Variants in AP3S2 observed in about 807,000 individuals in gnomAD.
The protein encoded by AP3S2 is AP-3 complex subunit sigma-2.
A neutral mutation model predicts 23.4 loss-of-function variants in AP3S2; 22 were observed. The ratio of observed to expected loss-of-function variants is 0.94; its 90% CI spans 0.67 to 1.34. The LOEUF is 1.34. Among genes scored for constraint, AP3S2 ranks in the 40% most tolerant of loss-of-function variants. AP3S2 has a pLI of 0.00. For missense variants in AP3S2, 241 were observed against 236.9 expected (o/e 1.02, Z -0.11); for synonymous variants, 86 against 87.1 (o/e 0.99, Z 0.07).
chr15:89,847,230 A>C (rs1895515648), intron 4 of AP3S2, among the ~76,000 whole-genome samples: 1 of 151,718 alleles, frequency 6.6e-6, no homozygotes, highest in East Asian at 1.9e-4. Flanking sequence ...AAAAAAGTTT[A>C]AAAACTAGCT....
chr15:89,869,518 C>G (rs1169817611), intron 4 of AP3S2, among the ~76,000 whole-genome samples: 1 of 141,184 alleles, frequency 7.1e-6, no homozygotes, highest in Non-Finnish European at 1.5e-5. Flanking sequence ...ACTATTGTCC[C>G]ATGACCCTGC....
chr15:89,836,868 A>C (rs1386030677), intron 5 of AP3S2, among the ~76,000 whole-genome samples: 1 of 152,220 alleles, frequency 6.6e-6, no homozygotes, highest in East Asian at 1.9e-4. Flanking sequence ...TCACAGAAAG[A>C]AGAATTCCTG....
chr15:89,871,540 C>T lies in AP3S2; in HGVS notation c.280G>A (p.Val94Met), dbSNP rs781619946. The change falls in exon 4 of 6, where the codon GTG becomes ATG. Residue 94 changes from valine to methionine, a missense_variant. Val to Met is a conservative substitution (Grantham distance 21, BLOSUM62 1). Coordinates refer to ENST00000336418, the MANE Select transcript of AP3S2 (RefSeq NM_005829.5). ...LGILDLIQVF[V>M]ETLDKCFENV... is the part of the protein sequence containing the mutation. Reference sequence around the variant, plus strand: ...TCGAAACACTTATCCAGAGTTTCCACAAAAACCTAGAAAACAAGGAGAAAT... The same window carrying T: ...TCGAAACACTTATCCAGAGTTTCCATAAAAACCTAGAAAACAAGGAGAAAT... The T allele has an allele frequency of 2.5e-6, 4 of 1,612,784 alleles. No homozygotes were observed. The highest frequency in any genetic ancestry group is 1.7e-4 in the Middle Eastern group (1 of 6,058).
At chr15:89,836,650 A>G (rs1295641990) in intron 5 of AP3S2, among the ~76,000 whole-genome samples, 1 of 152,146 alleles carries the variant, frequency 6.6e-6, no homozygotes, top group African/African-American at 2.4e-5. Flanking sequence ...ACTCTCTCAC[A>G]ATCATTTTTC....
chr15:89,841,665 T>C (rs1895332709), intron 4 of AP3S2, among the ~76,000 whole-genome samples: 1 of 152,110 alleles, frequency 6.6e-6, no homozygotes, highest in African/African-American at 2.4e-5. Flanking sequence ...CCTATCTCGA[T>C]TGGCTGGCTA....
intron 1 of AP3S2, 116 bp downstream of exon 1, chr15:89,893,765 C>G: frequency 2.0e-6 from 2 of 998,644 alleles, no homozygotes; most frequent in Non-Finnish European, 3.0e-6. Flanking sequence ...GGGTCATGCT[C>G]GGTGCAGGAG....
At position 89,877,414 on chromosome 15, in the gene AP3S2, CTTTTT is replaced by C. The variant is rs1245800002; in HGVS notation, c.274-5873_274-5869del. 3 of 1,288,096 alleles carry C rather than the reference CTTTTT, an allele frequency of 2.3e-6. No individual in the cohort carries two copies. In the Admixed American group the frequency reaches 6.9e-5, roughly 30 times the overall value. 79.8% of individuals were successfully genotyped at this position (1,288,096 alleles called of 1,614,324 possible). On this transcript the variant is annotated intron_variant, in intron 3 of 5. Transcript: ENST00000336418. ...GTTGCACTGGCTTTTCTTCCTCTCT[CTTTTT>C]TTAAGCTGTGGTAAAATACACGTAA... is the stretch of plus-strand genomic sequence containing the variant.
At position 89,854,906 on chromosome 15, in the gene AP3S2, G is replaced by T. The variant is rs1403375761; in HGVS notation, c.345+16569C>A. Among the ~76,000 whole-genome samples the T allele has an allele frequency of 2.1e-4, 10 of 47,786 alleles. 3 individuals are homozygous for T. The highest frequency in any genetic ancestry group is 7.8e-4 in the African/African-American group (10 of 12,838). 31.3% of individuals were successfully genotyped at this position (47,786 alleles called of 152,430 possible). On this transcript the variant is annotated intron_variant, in intron 4 of 5. Transcript: ENST00000336418. ...TCCGGGAGGGAGGTGGGGGGGGGGG[G>T]GGTTGGCCCCCCTGCCCGGCCAGCC...
At chr15:89,852,338 T>C (rs1034241473) in intron 4 of AP3S2, 6 of 152,362 alleles carry the variant, frequency 3.9e-5, no homozygotes, top group South Asian at 2.1e-4. Flanking sequence ...TTGGTAGTTA[T>C]AATCAAAGTC....
chr15:89,877,466 C>T (rs1440089427), intron 3 of AP3S2: 28 of 1,129,160 alleles, frequency 2.5e-5, no homozygotes, highest in Non-Finnish European at 3.0e-5. Context: ...CCATCATAGC[C>T]ATTTTTTAAG....
At chr15:89,878,262 T>G (rs1452401040) in intron 3 of AP3S2, 2 of 655,432 alleles carry the variant, frequency 3.1e-6, no homozygotes, top group Non-Finnish European at 5.4e-6. Flanking sequence ...AATATTTTCA[T>G]ACCTTGGGAG....
chr15:89,869,831 G>A (rs535051600), intron 4 of AP3S2, among the ~76,000 whole-genome samples: 1 of 151,608 alleles, frequency 6.6e-6, no homozygotes, highest in African/African-American at 2.4e-5. Context: ...TCGGCTCACT[G>A]CAACCTCCGC....
intron 1 of AP3S2, among the ~76,000 whole-genome samples, chr15:89,891,118 G>A (rs1896810676): frequency 6.6e-6 from 1 of 152,112 alleles, no homozygotes; most frequent in African/African-American, 2.4e-5. Context: ...GCAGCAGTGG[G>A]GAAGTGGTAC....
chr15:89,858,515 GAGAGAGAGAGAAAGAA>G (rs1391049876), intron 4 of AP3S2, among the ~76,000 whole-genome samples: 16 of 46,206 alleles, frequency 3.5e-4, no homozygotes, highest in South Asian at 5.9e-4. Flanking sequence ...GAGAGAGAGA[GAGAGAGAGAGAAAGAA>G]AGAAAGAAAG....
At chr15:89,837,761 T>A in intron 4 of AP3S2, 39 bp from the exon 5 acceptor site, 1 of 1,610,726 alleles carries the variant, frequency 6.2e-7, no homozygotes, top group Non-Finnish European at 8.5e-7. Context: ...GAATACTCTG[T>A]GGTGGTCAGA....
intron 4 of AP3S2, among the ~76,000 whole-genome samples, chr15:89,844,506 TTTC>T (rs1456761860): frequency 6.6e-6 from 1 of 151,536 alleles, no homozygotes; most frequent in African/African-American, 2.4e-5. Context: ...CCCAGCTTTT[TTTC>T]TTTTTTTTTT....
chr15:89,879,438 G>A (rs1032301505), intron 3 of AP3S2, among the ~76,000 whole-genome samples: 3 of 152,046 alleles, frequency 2.0e-5, no homozygotes, highest in African/African-American at 7.2e-5. Context: ...GCAAGAAATT[G>A]GGAAAAACAT....
At chr15:89,885,864 C>G (rs1456653466) in intron 3 of AP3S2, among the ~76,000 whole-genome samples, 1 of 149,434 alleles carries the variant, frequency 6.7e-6, no homozygotes, top group East Asian at 2.0e-4. Context: ...TGGGTTGAGC[C>G]TGGGAGATGG....
Position 89,835,766 on chromosome 15 carries a change from G to A in AP3S2, c.454-123C>T, listed in dbSNP as rs1002397368. 2.3e-4 allele frequency: 323 copies of A among 1,416,884 alleles called. 1 individual carries two copies. The highest frequency in any genetic ancestry group is 2.8e-4 in the Non-Finnish European group (306 of 1,078,816). 87.8% of individuals were successfully genotyped at this position (1,416,884 alleles called of 1,614,324 possible). On this transcript the variant is annotated intron_variant, in intron 5 of 5. Coordinates refer to ENST00000336418, the MANE Select transcript of AP3S2 (RefSeq NM_005829.5). ...AAGCAGGATGGGTGTGGTGGCTCAC[G>A]CCTGTAATCCCAGCACTTTGGGAGG...
Sources: gnomAD v4.1 joint callset for allele counts (sites outside exome capture counted in the v4.1 genomes callset) on GRCh38, gnomAD v4.1.1 for gene constraint, MANE v1.5 for transcripts, NCBI Gene and HGNC (gene_info 2026-07-23, HGNC 2026-07-21) for gene names.